The following DBH variants were observed in gnomAD, a reference collection of about 807,000 sequenced individuals.
DBH encodes the protein dopamine beta-hydroxylase.
Under a neutral mutation model 64.0 loss-of-function variants are expected in DBH, and 49 were observed. The observed-to-expected ratio is 0.77, with a 90% CI of 0.61 to 0.97. The LOEUF is 0.97. Among genes scored for constraint, DBH ranks in the 50% least tolerant of loss-of-function variants. The probability of loss-of-function intolerance (pLI) is 0.00; values close to 1 mark genes in which losing one functional copy is unlikely to be tolerated. For synonymous variants in DBH, 343 were observed against 347.1 expected (o/e 0.99, Z 0.13); for missense variants, 828 against 826.6 (o/e 1.00, Z -0.02).
At chr9:133,652,842 C>T (rs762520133) in intron 8 of DBH, 98 bp from the exon 9 acceptor site, 32 of 824,232 alleles carry the variant, frequency 3.9e-5, no homozygotes, top group Admixed American at 3.6e-4. Context: ...CCAGAGGTGC[C>T]GTGGCATGCA....
At chr9:133,646,467 G>A (rs955554877) in intron 5 of DBH, among the ~76,000 whole-genome samples, 12 of 152,110 alleles carry the variant, frequency 7.9e-5, no homozygotes, top group African/African-American at 2.9e-4. Flanking sequence ...GGAACGGTGG[G>A]GCTACCTGGA....
intron 5 of DBH, among the ~76,000 whole-genome samples, chr9:133,646,951 C>G (rs955724798): frequency 2.0e-5 from 3 of 152,206 alleles, no homozygotes; most frequent in Admixed American, 6.5e-5. Flanking sequence ...TCAGGAGACA[C>G]AGTCTCCGTG....
chr9:133,656,355 A>T, intron 9 of DBH, 168 bp from the exon 10 acceptor site: 1 of 806,618 alleles, frequency 1.2e-6, no homozygotes, highest in Non-Finnish European at 2.0e-6. Context: ...CTCTCCTGCC[A>T]ATGGTGGCAA....
Position 133,643,238 on chromosome 9 carries a change from C to T in DBH, c.745-175C>T, listed in dbSNP as rs939072179. ...CACTCTGGAGCTGCCTACGGGATTTCTTTCTGGGCTGATGGCTCCACCCTC... is the reference window on the plus strand; with the variant it reads ...CACTCTGGAGCTGCCTACGGGATTTTTTTCTGGGCTGATGGCTCCACCCTC... On this transcript the variant is annotated intron_variant, in intron 3 of 11. Coordinates refer to ENST00000393056, the MANE Select transcript of DBH (RefSeq NM_000787.4). This position sits in a 1 kb window ranked among gnomAD's most constrained non-coding sequence, Gnocchi z 5.3. 5.3e-5 allele frequency among the ~76,000 whole-genome samples: 8 copies of T among 152,078 alleles called. No individual in the cohort carries two copies. Among genetic ancestry groups the T allele is most frequent in the Non-Finnish European group, 1.0e-4 (7 of 68,018 alleles).
Position 133,642,472 on chromosome 9 carries a change from C to T in DBH, c.744+8C>T, listed in dbSNP as rs45549938. The T allele has an allele frequency of 0.016, 24,926 of 1,601,262 alleles. 223 individuals are homozygous for T. Among genetic ancestry groups the T allele is most frequent in the Non-Finnish European group, 0.018 (21,562 of 1,174,168 alleles). On this transcript the variant is annotated splice_region_variant and intron_variant, in intron 3 of 11. Coordinates refer to ENST00000393056, the MANE Select transcript of DBH (RefSeq NM_000787.4). ...CGGCACCACATTATCAAGGTACGTG[C>T]GGGTCCAGGGCCGAGGTCCTCGCCC...
In DBH at chr9:133,654,124, T is replaced by TTTTATTTTATTA. The variant is rs57965080; in HGVS notation, c.1434+1128_1434+1129insATTTTATTATTT. ...TTATTTTATTTTATTTTATATTTTATTTTTTTTTGAGACGGAGTCTCGCTC... is the reference window on the plus strand; with the variant it reads ...TTATTTTATTTTATTTTATATTTTATTTTATTTTATTATTTTTTTTGAGACGGAGTCTCGCTC... On this transcript the variant is annotated intron_variant, in intron 9 of 11. Coordinates refer to ENST00000393056, the MANE Select transcript of DBH (RefSeq NM_000787.4). 1.5e-3 allele frequency among the ~76,000 whole-genome samples: 203 copies of TTTTATTTTATTA among 139,292 alleles called. 1 individual carries two copies. Among genetic ancestry groups the TTTTATTTTATTA allele is most frequent in the African/African-American group, 5.6e-3 (186 of 33,192 alleles). The allele number at this position is 139,292 out of a possible 152,430, so 91.4% of individuals were successfully genotyped here. A position where few individuals can be genotyped will look rare whatever the true frequency, so the allele number is the denominator to read the frequency against.
At position 133,651,639 on chromosome 9, in the gene DBH, G is replaced by A. The variant is rs1027947022; in HGVS notation, c.1197G>A (p.Leu399=). 6.2e-6 allele frequency: 10 copies of A among 1,613,462 alleles called. No homozygotes were observed. Among genetic ancestry groups the A allele is most frequent in the Non-Finnish European group, 8.5e-6 (10 of 1,180,000 alleles). ...YCTDKCTQLA[L]PPSGIHIFAS... ...GCAGCCCCCCGACCCCACAGGCACT[G>A]CCTCCCTCCGGGATCCACATCTTCG... The change falls in exon 7 of 12, where the codon CTG becomes CTA. Residue 399 remains leucine, a synonymous_variant. Coordinates refer to ENST00000393056, the MANE Select transcript of DBH (RefSeq NM_000787.4).
chr9:133,657,065 AC>A lies in DBH; in HGVS notation c.1563-3del, dbSNP rs780419377. The A allele has an allele frequency of 6.2e-7, 1 of 1,613,558 alleles. No individual in the cohort carries two copies. The highest frequency in any genetic ancestry group is 1.7e-5 in the Admixed American group (1 of 60,014). On this transcript the variant is annotated splice_polypyrimidine_tract_variant and splice_region_variant and intron_variant, in intron 10 of 11. Coordinates refer to ENST00000393056, the MANE Select transcript of DBH (RefSeq NM_000787.4). ...CCCAGCCTGGCTGTTCCTTGTCCCC[AC>A]CAGGTTCAACAACGAGGATGTCTGC...
At chr9:133,640,197 CT>C (rs1367180666) in intron 2 of DBH, among the ~76,000 whole-genome samples, 3 of 152,240 alleles carry the variant, frequency 2.0e-5, no homozygotes, top group Non-Finnish European at 4.4e-5. Context: ...GCTATTGCCC[CT>C]GAGCCCTCAA....
intron 2 of DBH, among the ~76,000 whole-genome samples, chr9:133,640,830 T>C (rs1254919180): frequency 6.6e-6 from 1 of 152,222 alleles, no homozygotes; most frequent in African/African-American, 2.4e-5. Flanking sequence ...AGGAGGCAGA[T>C]GCAGGAGCTA....
chr9:133,639,841 T>C lies in DBH; in HGVS notation c.340-5T>C. 6.2e-7 allele frequency: 1 copy of C among 1,609,182 alleles called. No individual in the cohort carries two copies. Among genetic ancestry groups the C allele is most frequent in the East Asian group, 2.2e-5 (1 of 44,836 alleles). ...ATGCCTGGAGCCCAGTGCTTGTCTC[T>C]GCAGGACGCCTGGAGTGACCAGAAG... On this transcript the variant is annotated splice_polypyrimidine_tract_variant and splice_region_variant and intron_variant, in intron 1 of 11. Transcript: ENST00000393056.
intron 3 of DBH, 100 bp downstream of exon 3, chr9:133,642,564 AC>A: frequency 1.4e-6 from 2 of 1,445,868 alleles, no homozygotes; most frequent in Non-Finnish European, 1.9e-6. Flanking sequence ...TCCTGGTTGG[AC>A]CAGGTGTCCT....
rs1426615042 is a variant in DBH, at chr9:133,657,239, C to T, written c.1722+10C>T. The T allele has an allele frequency of 6.2e-7, 1 of 1,613,568 alleles. No individual in the cohort carries two copies. The highest frequency in any genetic ancestry group is 8.5e-7 in the Non-Finnish European group (1 of 1,180,026). ...AGCCGTCCGCTTCCAGGTGCGCTGC[C>T]ATGGGCCCGGGTGGGGCATGCAGTC... On this transcript the variant is annotated intron_variant, in intron 11 of 11. Transcript: ENST00000393056.
chr9:133,641,059 C>G (rs374281965), intron 2 of DBH, among the ~76,000 whole-genome samples: 1 of 151,818 alleles, frequency 6.6e-6, no homozygotes, highest in Non-Finnish European at 1.5e-5. Context: ...GGGCTTGGGA[C>G]GGGTTGGAGG....
Position 133,636,611 on chromosome 9 carries a change from G to A in DBH, c.240G>A (p.Arg80=). Residue 80 remains arginine, a synonymous_variant, in exon 1 of 12, where the codon AGG becomes AGA. Coordinates refer to ENST00000393056, the MANE Select transcript of DBH (RefSeq NM_000787.4). ...EAIHFQLLVR[R]LKAGVLFGMS... ...TCCATTTCCAGCTCCTGGTGCGGAG[G>A]CTCAAGGCTGGCGTCCTGTTTGGGA... The A allele has an allele frequency of 6.2e-7, 1 of 1,613,634 alleles. No individual in the cohort carries two copies. The highest frequency in any genetic ancestry group is 8.5e-7 in the Non-Finnish European group (1 of 1,180,016).
intron 1 of DBH, among the ~76,000 whole-genome samples, chr9:133,637,048 C>T (rs1400215957): frequency 2.9e-4 from 44 of 152,200 alleles, no homozygotes; most frequent in Admixed American, 2.9e-3. Flanking sequence ...GAGCACAGAC[C>T]CCACGACCCT....
chr9:133,643,648 C>G lies in DBH; in HGVS notation c.921+59C>G. 6.3e-7 allele frequency: 1 copy of G among 1,582,854 alleles called. No individual in the cohort carries two copies. The highest frequency in any genetic ancestry group is 8.6e-7 in the Non-Finnish European group (1 of 1,157,238). ...TGCCTGGGCCCCTGGCATCCCCACACCTCTGTTTCCCCAGCTTCACCGTCT... is the reference window on the plus strand; with the variant it reads ...TGCCTGGGCCCCTGGCATCCCCACAGCTCTGTTTCCCCAGCTTCACCGTCT... On this transcript the variant is annotated intron_variant, in intron 4 of 11. Coordinates refer to ENST00000393056, the MANE Select transcript of DBH (RefSeq NM_000787.4). The surrounding 1 kb of genome is among the most constrained non-coding windows in gnomAD (Gnocchi z 5.3).
intron 6 of DBH, among the ~76,000 whole-genome samples, chr9:133,650,212 G>T (rs970913269): frequency 6.6e-6 from 1 of 152,190 alleles, no homozygotes; most frequent in Non-Finnish European, 1.5e-5. Flanking sequence ...CGACGGCAAG[G>T]TCAGGGCGGC....
intron 2 of DBH, among the ~76,000 whole-genome samples, chr9:133,641,964 G>A (rs1832120658): frequency 6.6e-6 from 1 of 152,250 alleles, no homozygotes; most frequent in South Asian, 2.1e-4. Context: ...GTGAATGTAG[G>A]TGGAATGTGT....
Sources: allele counts gnomAD v4.1 joint callset (sites outside exome capture counted in the v4.1 genomes callset), GRCh38; gene constraint gnomAD v4.1.1; non-coding constraint Gnocchi (gnomAD v3.1); transcripts MANE v1.5; gene names NCBI Gene and HGNC (gene_info 2026-07-23, HGNC 2026-07-21).